Variants in IL1RAP observed in about 807,000 individuals in gnomAD.
IL1RAP encodes the protein interleukin-1 receptor accessory protein.
Under a neutral mutation model 60.7 loss-of-function variants are expected in IL1RAP, and 35 were observed. The observed-to-expected ratio is 0.58, with a 90% CI of 0.44 to 0.76. The LOEUF is 0.76. Ranked by LOEUF, IL1RAP falls within the 30% of genes least tolerant of loss-of-function variation. IL1RAP has a pLI of 0.00. For synonymous variants in IL1RAP, 268 were observed against 250.9 expected (o/e 1.07, Z -0.64); for missense variants, 572 against 693.9 (o/e 0.82, Z 1.97).
chr3:190,550,808 A>G (rs1439030665), intron 1 of IL1RAP, among the ~76,000 whole-genome samples: 3 of 152,260 alleles, frequency 2.0e-5, no homozygotes, highest in Non-Finnish European at 2.9e-5. Context: ...TTAGAATTTA[A>G]TGACAAAGGT....
At chr3:190,603,891 A>G (rs1232197625) in intron 3 of IL1RAP, among the ~76,000 whole-genome samples, 1 of 152,194 alleles carries the variant, frequency 6.6e-6, no homozygotes, top group East Asian at 1.9e-4. Flanking sequence ...AACAGGGTCA[A>G]GCTATCAGAT....
chr3:190,601,146 G>T (rs1467244231), intron 3 of IL1RAP, among the ~76,000 whole-genome samples: 1 of 151,982 alleles, frequency 6.6e-6, no homozygotes, highest in Non-Finnish European at 1.5e-5. Context: ...CACCATGCCT[G>T]GCTAATTTTT....
intron 3 of IL1RAP, among the ~76,000 whole-genome samples, chr3:190,584,331 G>A (rs10804928): frequency 0.35 from 52,445 of 151,770 alleles, 9,280 homozygotes; most frequent in East Asian, 0.51. Flanking sequence ...TGCTGTAAAC[G>A]TCTATATACA....
intron 1 of IL1RAP, among the ~76,000 whole-genome samples, chr3:190,547,680 G>A (rs868069431): frequency 2.0e-5 from 3 of 152,212 alleles, no homozygotes; most frequent in African/African-American, 7.2e-5. Flanking sequence ...TGAAGCCCCT[G>A]TGCTTTCTCC....
At chr3:190,571,350 A>C (rs891530056) in intron 3 of IL1RAP, among the ~76,000 whole-genome samples, 15 of 151,294 alleles carry the variant, frequency 9.9e-5, no homozygotes, top group Middle Eastern at 3.4e-3. Flanking sequence ...TGACTCCACA[A>C]AAAAAAAATT....
At chr3:190,538,813 A>G (rs777565447) in intron 1 of IL1RAP, among the ~76,000 whole-genome samples, 5 of 152,084 alleles carry the variant, frequency 3.3e-5, no homozygotes, top group Non-Finnish European at 5.9e-5. Flanking sequence ...TTCTTGTGAT[A>G]GCAAGTGAGT....
rs1246092197 is a variant in IL1RAP, at chr3:190,539,023, G to T, written c.-88-17107G>T. ...ATTACCCAGTTTTGGATATGTCTTTGTTAGCAGTGTAAGAATAGACTAATA... is the reference window on the plus strand; with the variant it reads ...ATTACCCAGTTTTGGATATGTCTTTTTTAGCAGTGTAAGAATAGACTAATA... On this transcript the variant is annotated intron_variant, in intron 1 of 11. Coordinates refer to ENST00000447382, the MANE Select transcript of IL1RAP (RefSeq NM_002182.4). 2.3e-4 allele frequency among the ~76,000 whole-genome samples: 35 copies of T among 152,030 alleles called. 1 individual carries two copies. Among genetic ancestry groups the T allele is most frequent in the Admixed American group, 2.3e-3 (35 of 15,262 alleles).
At chr3:190,592,644 G>A (rs1007493854) in intron 3 of IL1RAP, among the ~76,000 whole-genome samples, 2 of 152,158 alleles carry the variant, frequency 1.3e-5, no homozygotes, top group Non-Finnish European at 2.9e-5. Context: ...TGAAACTCCA[G>A]CATGGCAGAT....
At chr3:190,610,855 A>G (rs1170981384) in intron 5 of IL1RAP, among the ~76,000 whole-genome samples, 1 of 152,192 alleles carries the variant, frequency 6.6e-6, no homozygotes, top group African/African-American at 2.4e-5. Flanking sequence ...CCAAAGATGA[A>G]CAATTTGAAC....
intron 1 of IL1RAP, among the ~76,000 whole-genome samples, chr3:190,534,904 T>A (rs73058190): frequency 0.2 from 26,975 of 133,384 alleles, 2,974 homozygotes; most frequent in East Asian, 0.44. Flanking sequence ...AGATAAAGTG[T>A]AAGAGAATTA....
intron 2 of IL1RAP, among the ~76,000 whole-genome samples, chr3:190,562,694 C>CCA (rs56393536): frequency 0.051 from 7,413 of 146,516 alleles, 221 homozygotes; most frequent in East Asian, 0.097. Context: ...CATATCTCGT[C>CCA]CACACACACA....
chr3:190,633,982 T>C (rs994975536), intron 9 of IL1RAP, among the ~76,000 whole-genome samples: 7 of 152,228 alleles, frequency 4.6e-5, no homozygotes, highest in African/African-American at 1.7e-4. Context: ...GGTTTTTATA[T>C]ACAGGATTTT....
At chr3:190,524,456 G>A (rs73198203) in intron 1 of IL1RAP, among the ~76,000 whole-genome samples, 7,629 of 152,154 alleles carry the variant, frequency 0.05, 283 homozygotes, top group African/African-American at 0.11. Flanking sequence ...CACTGCCTAG[G>A]TTGTCTTCCA....
intron 1 of IL1RAP, among the ~76,000 whole-genome samples, chr3:190,535,237 G>T (rs1227768173): frequency 6.6e-6 from 1 of 152,144 alleles, no homozygotes; most frequent in Non-Finnish European, 1.5e-5. Flanking sequence ...CAAGTCTCCT[G>T]CCTGCTTGTG....
At chr3:190,618,123 A>G (rs918439494) in intron 5 of IL1RAP, among the ~76,000 whole-genome samples, 2 of 152,178 alleles carry the variant, frequency 1.3e-5, no homozygotes, top group Non-Finnish European at 2.9e-5. Flanking sequence ...GGGATGGCAC[A>G]GGTTCAGGGC....
At chr3:190,527,684 A>ATTTTTTTTTTTTTT (rs58914187) in intron 1 of IL1RAP, among the ~76,000 whole-genome samples, 1 of 112,944 alleles carries the variant, frequency 8.9e-6, no homozygotes, top group African/African-American at 3.3e-5. Flanking sequence ...GCTTGTTTAC[A>ATTTTTTTTTTTTTT]TTTTTTTTTT....
intron 9 of IL1RAP, among the ~76,000 whole-genome samples, chr3:190,643,392 A>AAAGG (rs1269286258): frequency 6.6e-6 from 1 of 152,182 alleles, no homozygotes; most frequent in Admixed American, 6.6e-5. Context: ...GGTAAATGAG[A>AAAGG]AAGGAAGGAA....
chr3:190,640,101 TA>T (rs1236981168), intron 9 of IL1RAP, among the ~76,000 whole-genome samples: 2 of 152,236 alleles, frequency 1.3e-5, no homozygotes, highest in Admixed American at 6.5e-5. Context: ...CTCTTCTCTA[TA>T]AATGCAATCT....
At chr3:190,566,239 A>G (rs1726386943) in intron 3 of IL1RAP, among the ~76,000 whole-genome samples, 1 of 152,170 alleles carries the variant, frequency 6.6e-6, no homozygotes, top group African/African-American at 2.4e-5. Flanking sequence ...GGTTGAATAC[A>G]TGTCCCTTTA....
Sources: gnomAD v4.1 joint callset for allele counts (sites outside exome capture counted in the v4.1 genomes callset) on GRCh38, gnomAD v4.1.1 for gene constraint, MANE v1.5 for transcripts, NCBI Gene and HGNC (gene_info 2026-07-23, HGNC 2026-07-21) for gene names.